The following ANKS1B variants were observed in gnomAD, a reference collection of about 807,000 sequenced individuals.
ANKS1B encodes ankyrin repeat and sterile alpha motif domain-containing protein 1B.
ANKS1B carries 36 observed loss-of-function variants against 148.3 expected under a neutral mutation model. That is an observed-to-expected ratio of 0.24 (90% confidence interval 0.19 to 0.32). The LOEUF (loss-of-function observed/expected upper bound fraction) is 0.32. ANKS1B is among the 10% of genes least tolerant of loss of function. The pLI is 1.00. For missense variants in ANKS1B, 1,157 were observed against 1,542.6 expected, an observed-to-expected ratio of 0.75 and a Z score of 4.19; for synonymous variants, 542 against 560.8, an observed-to-expected ratio of 0.97 and a Z score of 0.47.
intron 8 of ANKS1B, among the ~76,000 whole-genome samples, chr12:99,680,673 T>A (rs1358594095): frequency 2.0e-5 from 3 of 152,108 alleles, no homozygotes; most frequent in Admixed American, 6.5e-5. Context: ...ACACAGAAAC[T>A]GCGGCAGGCA....
At position 99,399,944 on chromosome 12, in the gene ANKS1B, T is replaced by C. The variant is rs1186424100; in HGVS notation, c.1576-133A>G. 2.2e-5 allele frequency: 17 copies of C among 781,864 alleles called. No homozygotes were observed. In the East Asian group the frequency reaches 4.3e-4, roughly 20 times the overall value. 48.4% of individuals were successfully genotyped at this position (781,864 alleles called of 1,614,324 possible). ...CTGGGTTTTATACTTAAAATATAAT[T>C]GTGCTTTACAGAGATACATTAATTT... is the stretch of plus-strand genomic sequence containing the variant. On this transcript the variant is annotated intron_variant, in intron 11 of 26. Coordinates refer to ENST00000683438, the MANE Select transcript of ANKS1B (RefSeq NM_001352186.2).
At chr12:99,366,297 C>T (rs1478774021) in intron 12 of ANKS1B, among the ~76,000 whole-genome samples, 1 of 152,090 alleles carries the variant, frequency 6.6e-6, no homozygotes. Context: ...TTCTTGGTTC[C>T]CGGGCTCTGA....
intron 12 of ANKS1B, among the ~76,000 whole-genome samples, chr12:99,253,929 T>C (rs1039400116): frequency 2.0e-5 from 3 of 152,178 alleles, no homozygotes; most frequent in East Asian, 1.9e-4. Context: ...TCTAATTATA[T>C]AGGAATATCA....
chr12:99,634,572 T>C (rs2098213067), intron 9 of ANKS1B, among the ~76,000 whole-genome samples: 1 of 152,156 alleles, frequency 6.6e-6, no homozygotes, highest in Non-Finnish European at 1.5e-5. Flanking sequence ...GAGTAAAATA[T>C]TAAATGTTGT....
intron 9 of ANKS1B, 114 bp from the exon 10 acceptor site, chr12:99,504,755 C>T (rs1286308095): frequency 2.8e-6 from 2 of 718,944 alleles, no homozygotes; most frequent in African/African-American, 3.6e-5. Context: ...TGATTGACAG[C>T]TGATGATTCA....
At chr12:99,447,507 G>A (rs1277293108) in intron 10 of ANKS1B, among the ~76,000 whole-genome samples, 1 of 151,988 alleles carries the variant, frequency 6.6e-6, no homozygotes, top group Non-Finnish European at 1.5e-5. Flanking sequence ...AAAACTATTA[G>A]AAGAAAACAC....
chr12:99,697,340 T>G (rs1159547898), intron 8 of ANKS1B, among the ~76,000 whole-genome samples: 1 of 152,172 alleles, frequency 6.6e-6, no homozygotes, highest in Non-Finnish European at 1.5e-5. Flanking sequence ...CTAAAATGTC[T>G]TTCAGTCAGT....
At chr12:99,133,993 C>T (rs1394986332) in intron 15 of ANKS1B, among the ~76,000 whole-genome samples, 1 of 152,136 alleles carries the variant, frequency 6.6e-6, no homozygotes, top group Non-Finnish European at 1.5e-5. Flanking sequence ...TAATATACCT[C>T]GTAAGTTTCA....
intron 1 of ANKS1B, among the ~76,000 whole-genome samples, chr12:99,959,115 G>T (rs1484798832): frequency 6.7e-6 from 1 of 148,710 alleles, no homozygotes; most frequent in African/African-American, 2.5e-5. Context: ...GAGTGCAGTG[G>T]CATGGCGCGA....
chr12:99,773,277 T>C (rs2063359045), intron 7 of ANKS1B, among the ~76,000 whole-genome samples, 189 bp from the exon 8 acceptor site: 1 of 152,200 alleles, frequency 6.6e-6, no homozygotes, highest in Admixed American at 6.5e-5. Flanking sequence ...CAAAAGAGAT[T>C]ATAATTTTGC....
intron 14 of ANKS1B, among the ~76,000 whole-genome samples, chr12:99,234,856 C>T (rs577822110): frequency 6.6e-6 from 1 of 152,112 alleles, no homozygotes; most frequent in East Asian, 1.9e-4. Flanking sequence ...TTTATCACAC[C>T]TCTAATTAAA....
intron 17 of ANKS1B, among the ~76,000 whole-genome samples, chr12:98,894,075 T>C (rs1329420035): frequency 6.6e-6 from 1 of 152,174 alleles, no homozygotes; most frequent in East Asian, 1.9e-4. Flanking sequence ...CTCCAAGGCT[T>C]AACATTGGAA....
chr12:98,934,179 T>C (rs1311752756), intron 17 of ANKS1B, among the ~76,000 whole-genome samples: 1 of 152,134 alleles, frequency 6.6e-6, no homozygotes, highest in East Asian at 1.9e-4. Context: ...ATATTTTGTG[T>C]ATGCCATAAG....
intron 8 of ANKS1B, among the ~76,000 whole-genome samples, chr12:99,738,165 G>A (rs2153577398): frequency 6.6e-6 from 1 of 152,282 alleles, no homozygotes; most frequent in Non-Finnish European, 1.5e-5. Flanking sequence ...TAGGTAGAAA[G>A]TACTGAAGCA....
chr12:98,957,409 G>A (rs369675958), intron 17 of ANKS1B, among the ~76,000 whole-genome samples: 5 of 151,628 alleles, frequency 3.3e-5, no homozygotes, highest in South Asian at 2.1e-4. Flanking sequence ...GTGCAGTGGC[G>A]TGATCTCGGT....
chr12:99,240,292 C>G (rs1023373169), intron 14 of ANKS1B, among the ~76,000 whole-genome samples: 10 of 152,002 alleles, frequency 6.6e-5, no homozygotes, highest in African/African-American at 2.4e-4. Context: ...GATTTTAAAC[C>G]AACAAGATCA....
At chr12:99,347,275 A>C (rs1951780532) in intron 12 of ANKS1B, among the ~76,000 whole-genome samples, 1 of 152,008 alleles carries the variant, frequency 6.6e-6, no homozygotes, top group Admixed American at 6.6e-5. Flanking sequence ...CAAAACAAAA[A>C]ACTTGAGAAG....
At chr12:99,761,469 A>G (rs1381461587) in intron 8 of ANKS1B, among the ~76,000 whole-genome samples, 1 of 151,992 alleles carries the variant, frequency 6.6e-6, no homozygotes, top group Non-Finnish European at 1.5e-5. Flanking sequence ...AATAGATGCA[A>G]TAAAGATACC....
At chr12:99,374,653 G>A (rs1345588688) in intron 12 of ANKS1B, among the ~76,000 whole-genome samples, 1 of 152,144 alleles carries the variant, frequency 6.6e-6, no homozygotes, top group Non-Finnish European at 1.5e-5. Flanking sequence ...TTAGTAACCA[G>A]AAATATGCCA....
Sources: gnomAD v4.1 joint callset for allele counts (sites outside exome capture counted in the v4.1 genomes callset) on GRCh38, gnomAD v4.1.1 for gene constraint, MANE v1.5 for transcripts, NCBI Gene and HGNC (gene_info 2026-07-23, HGNC 2026-07-21) for gene names.